The following ACSF3 variants were observed in gnomAD, a reference collection of about 807,000 sequenced individuals.
The protein encoded by ACSF3 is acyl-CoA synthetase family member 3, also known as malonate--CoA ligase ACSF3, mitochondrial.
A neutral mutation model predicts 53.2 loss-of-function variants in ACSF3; 78 were observed. The observed-to-expected ratio is 1.47, with a 90% CI of 1.22 to 1.77. The LOEUF is 1.77. ACSF3 is among the 40% of genes most tolerant of loss of function. The probability of loss-of-function intolerance (pLI) is 0.00; values close to 1 mark genes in which losing one functional copy is unlikely to be tolerated. For synonymous variants in ACSF3, 414 were observed against 333.1 expected, an observed-to-expected ratio of 1.24 and a Z score of -2.65; for missense variants, 937 against 771.1, an observed-to-expected ratio of 1.22 and a Z score of -2.55.
Position 89,093,964 on chromosome 16 carries a change from A to C in ACSF3, c.-226A>C, listed in dbSNP as rs1162151894. 3 of 314,250 alleles carry C rather than the reference A, an allele frequency of 9.5e-6. No individual in the cohort carries two copies. In the Admixed American group the frequency reaches 9.8e-5, roughly 10 times the overall value. The allele number at this position is 314,250 out of a possible 1,614,324, so 19.5% of individuals were successfully genotyped here. ...GGACGAGGAAGAGTTGTGGCGAGGCAGATCCTGCCCCGTGGCCGCGGCCGT... is the reference window on the plus strand; with the variant it reads ...GGACGAGGAAGAGTTGTGGCGAGGCCGATCCTGCCCCGTGGCCGCGGCCGT... On this transcript the variant is annotated 5_prime_UTR_variant, in exon 1 of 11. Coordinates refer to ENST00000614302, the MANE Select transcript of ACSF3 (RefSeq NM_001243279.3).
Position 89,146,039 on chromosome 16 carries a change from G to A in ACSF3, c.1603G>A (p.Glu535Lys). 2 of 1,509,764 alleles carry A rather than the reference G, an allele frequency of 1.3e-6. No homozygotes were observed. The highest frequency in any genetic ancestry group is 1.8e-6 in the Non-Finnish European group (2 of 1,096,480). The allele number at this position is 1,509,764 out of a possible 1,614,324, so 93.5% of individuals were successfully genotyped here. The change falls in exon 10 of 11, where the codon GAG (glutamate) becomes AAG (lysine). Residue 535 changes from glutamate to lysine, a missense_variant. By Grantham distance (56) the Glu-to-Lys change is moderately conservative. Transcript: ENST00000614302. ...GHSLSHRELKEWARNVLAPYA... is the reference protein window; with the variant it reads ...GHSLSHRELKKWARNVLAPYA... ...CTCACTGTCCCACAGGGAGCTCAAA[G>A]AGTGGGCCAGGTAGGGCTGGGTGGG...
At chr16:89,153,444 C>T (rs1176749760) in intron 10 of ACSF3, 1 of 155,414 alleles carries the variant, frequency 6.4e-6, no homozygotes, top group Admixed American at 6.2e-5. Context: ...GCCCCACCCA[C>T]CCGTGTCAGC....
In ACSF3 at chr16:89,116,837, C is replaced by A. The variant is rs147895029; in HGVS notation, c.1126+2350C>A. ...CTCCACCTCCGTCAGTGCTAGCGGC[C>A]CCTGCTCTGGGCTGACTCGCGCATC... On this transcript the variant is annotated intron_variant, in intron 6 of 10. Coordinates refer to ENST00000614302, the MANE Select transcript of ACSF3 (RefSeq NM_001243279.3). 4.3e-3 allele frequency among the ~76,000 whole-genome samples: 662 copies of A among 152,336 alleles called. 3 individuals carry two copies. The highest frequency in any genetic ancestry group is 0.015 in the African/African-American group (625 of 41,560).
At chr16:89,142,917 A>G (rs937465994) in intron 8 of ACSF3, among the ~76,000 whole-genome samples, 1 of 152,210 alleles carries the variant, frequency 6.6e-6, no homozygotes, top group Non-Finnish European at 1.5e-5. Context: ...CATTCCTTGT[A>G]TTCATAAATT....
chr16:89,124,093 GGT>G (rs1251773081), intron 7 of ACSF3, among the ~76,000 whole-genome samples: 2 of 137,306 alleles, frequency 1.5e-5, no homozygotes, highest in African/African-American at 5.2e-5. Context: ...TGTGCGCATG[GGT>G]ATCACACACA....
rs942570769 is a variant in ACSF3, at chr16:89,155,705, G to A, written c.*1498G>A. On this transcript the variant is annotated 3_prime_UTR_variant, in exon 11 of 11. Coordinates refer to ENST00000614302, the MANE Select transcript of ACSF3 (RefSeq NM_001243279.3). ...AGGCCTTGCTGGTAGCTAAGGAAATGCCTTCTGTTGGGAAAAGGTCAAATT... is the reference window on the plus strand; with the variant it reads ...AGGCCTTGCTGGTAGCTAAGGAAATACCTTCTGTTGGGAAAAGGTCAAATT... The A allele has an allele frequency of 4.4e-6, 2 of 454,020 alleles. No homozygotes were observed. The highest frequency in any genetic ancestry group is 2.0e-5 in the African/African-American group (1 of 50,016). 28.1% of individuals were successfully genotyped at this position (454,020 alleles called of 1,614,324 possible). A position where few individuals can be genotyped will look rare whatever the true frequency, so the allele number is the denominator to read the frequency against.
chr16:89,145,537 C>G, intron 9 of ACSF3, 136 bp downstream of exon 9: 2 of 1,125,146 alleles, frequency 1.8e-6, no homozygotes, highest in South Asian at 1.5e-5. Flanking sequence ...ACCTCTGGTC[C>G]CTGCCCTGGC....
chr16:89,101,276 A>G lies in ACSF3; in HGVS notation c.595A>G (p.Ile199Val), dbSNP rs929495492. Residue 199 changes from isoleucine to valine, a missense_variant, in exon 3 of 11, where the codon ATC (isoleucine) becomes GTC (valine). Coordinates refer to ENST00000614302, the MANE Select transcript of ACSF3 (RefSeq NM_001243279.3). The part of the protein sequence containing the change: ...EQGWRNKGAM[I>V]IYTSGTTGRP... ...GGGATGGAGGAACAAGGGCGCCATG[A>G]TCATCTACACCAGTGGGACCACGGG... 1 of 1,601,886 alleles carries G rather than the reference A, an allele frequency of 6.2e-7. No individual in the cohort carries two copies. The highest frequency in any genetic ancestry group is 8.5e-7 in the Non-Finnish European group (1 of 1,174,668).
intron 7 of ACSF3, among the ~76,000 whole-genome samples, chr16:89,128,444 C>T (rs1174381793): frequency 1.3e-5 from 2 of 151,556 alleles, no homozygotes; most frequent in African/African-American, 2.4e-5. Flanking sequence ...GTATTTAGTA[C>T]AGATGGGGTT....
At position 89,155,361 on chromosome 16, in the gene ACSF3, C is replaced by T. The variant is rs938216627; in HGVS notation, c.*1154C>T. 2 of 451,652 alleles carry T rather than the reference C, an allele frequency of 4.4e-6. No individual in the cohort carries two copies. The highest frequency in any genetic ancestry group is 4.0e-5 in the African/African-American group (2 of 50,004). 28.0% of individuals were successfully genotyped at this position (451,652 alleles called of 1,614,324 possible). A position where few individuals can be genotyped will look rare whatever the true frequency, so the allele number is the denominator to read the frequency against. Reference sequence around the variant, plus strand: ...AGCCCCATCTCAGGCTCACGTGCCTCTGACAGGAGACCAGCCCCATCTCAG... The same window carrying T: ...AGCCCCATCTCAGGCTCACGTGCCTTTGACAGGAGACCAGCCCCATCTCAG... On this transcript the variant is annotated 3_prime_UTR_variant, in exon 11 of 11. Coordinates refer to ENST00000614302, the MANE Select transcript of ACSF3 (RefSeq NM_001243279.3).
At chr16:89,139,795 A>G (rs1038769692) in intron 8 of ACSF3, among the ~76,000 whole-genome samples, 25 of 151,908 alleles carry the variant, frequency 1.6e-4, no homozygotes, top group African/African-American at 5.8e-4. Flanking sequence ...GGGTTTCACC[A>G]TGTTGGCCAG....
rs533797920 is a variant in ACSF3, at chr16:89,117,049, A to G, written c.1126+2562A>G. ...ACAGTCACCACGTAATATGGACGGA[A>G]TGAGCAAAGCCCGGCTCGCTGAGGC... is the stretch of plus-strand genomic sequence containing the variant. On this transcript the variant is annotated intron_variant, in intron 6 of 10. Transcript: ENST00000614302. Among the ~76,000 whole-genome samples, 21 of 152,322 alleles carry G rather than the reference A, an allele frequency of 1.4e-4. No individual in the cohort carries two copies. The South Asian group carries it at 4.4e-3, about 32-fold the overall frequency.
chr16:89,101,165 A>T lies in ACSF3; in HGVS notation c.484A>T (p.Lys162Ter). 3 of 1,613,016 alleles carry T rather than the reference A, an allele frequency of 1.9e-6. No homozygotes were observed. Among genetic ancestry groups the T allele is most frequent in the Non-Finnish European group, 2.5e-6 (3 of 1,179,640 alleles). The change falls in exon 3 of 11, where the codon AAG becomes TAG. Residue 162 changes from lysine (K) to a stop codon, truncating the protein, a stop_gained. Coordinates refer to ENST00000614302, the MANE Select transcript of ACSF3 (RefSeq NM_001243279.3). LOFTEE classifies it high-confidence loss of function. ...GGAGCTCCTGAGCCCGGTGGTCAGG[A>T]AGCTGGGGGTCCCGCTGCTGCCGCT... is the stretch of plus-strand genomic sequence containing the variant. The part of the protein sequence containing the change: ...YLELLSPVVR[K>*]LGVPLLPLTP...
chr16:89,111,920 G>A (rs918812781), intron 4 of ACSF3, among the ~76,000 whole-genome samples, 172 bp from the exon 5 acceptor site: 7 of 152,216 alleles, frequency 4.6e-5, no homozygotes, highest in African/African-American at 7.2e-5. Flanking sequence ...GCTGTCCCGC[G>A]CAACATGGCT....
chr16:89,146,271 G>C (rs995030823), intron 10 of ACSF3, among the ~76,000 whole-genome samples: 1 of 152,158 alleles, frequency 6.6e-6, no homozygotes, highest in African/African-American at 2.4e-5. Context: ...GCAATATTCC[G>C]AGGGGGCAGA....
chr16:89,129,572 A>G (rs1051567420), intron 7 of ACSF3, among the ~76,000 whole-genome samples: 1 of 152,188 alleles, frequency 6.6e-6, no homozygotes, highest in Non-Finnish European at 1.5e-5. Flanking sequence ...ATCCAGCCTG[A>G]CAAGCTTTGT....
chr16:89,099,151 C>G (rs1304774515), intron 2 of ACSF3, among the ~76,000 whole-genome samples: 2 of 152,270 alleles, frequency 1.3e-5, no homozygotes, highest in Admixed American at 6.5e-5. Flanking sequence ...TCTTCTCGCT[C>G]TGGAATGCGG....
At chr16:89,146,092 G>C in intron 10 of ACSF3, 43 bp downstream of exon 10, 1 of 1,471,042 alleles carries the variant, frequency 6.8e-7, no homozygotes, top group Non-Finnish European at 9.5e-7. Context: ...ATGGGGTCTT[G>C]GGGGTCCAGT....
Position 89,154,621 on chromosome 16 carries a change from G to A in ACSF3, c.*414G>A, listed in dbSNP as rs1228128727. ...TCCCACGCCGTCTGCACGTGCCTGT[G>A]CCTCACCCAGAGCCAGTGTCTCCCG... is the stretch of plus-strand genomic sequence containing the variant. On this transcript the variant is annotated 3_prime_UTR_variant, in exon 11 of 11. Transcript: ENST00000614302. The A allele has an allele frequency of 8.8e-6, 4 of 455,096 alleles. No homozygotes were observed. In the Admixed American group the frequency reaches 9.4e-5, roughly 11 times the overall value. 28.2% of individuals were successfully genotyped at this position (455,096 alleles called of 1,614,324 possible).
Sources: allele counts gnomAD v4.1 joint callset (sites outside exome capture counted in the v4.1 genomes callset), GRCh38; gene constraint gnomAD v4.1.1; transcripts MANE v1.5; gene names NCBI Gene and HGNC (gene_info 2026-07-23, HGNC 2026-07-21).